Variants in DGLUCY observed in about 807,000 individuals in gnomAD.
DGLUCY encodes D-glutamate cyclase, also known as D-glutamate cyclase, mitochondrial.
DGLUCY carries 58 observed loss-of-function variants against 58.5 expected under a neutral mutation model. The ratio of observed to expected loss-of-function variants is 0.99; its 90% CI spans 0.80 to 1.23. The LOEUF (loss-of-function observed/expected upper bound fraction) is 1.23. Among genes scored for constraint, DGLUCY ranks in the 50% most tolerant of loss-of-function variants. DGLUCY has a pLI of 0.00. For missense variants in DGLUCY, 779 were observed against 784.7 expected (o/e 0.99, Z 0.09); for synonymous variants, 325 against 314.1 (o/e 1.03, Z -0.37).
intron 1 of DGLUCY, among the ~76,000 whole-genome samples, chr14:91,126,035 C>T (rs1303390129): frequency 6.6e-6 from 1 of 152,154 alleles, no homozygotes; most frequent in Non-Finnish European, 1.5e-5. Flanking sequence ...GGAGGATGGG[C>T]TATTTTGATT....
At chr14:91,129,838 A>G (rs960894388) in intron 1 of DGLUCY, among the ~76,000 whole-genome samples, 1 of 151,914 alleles carries the variant, frequency 6.6e-6, no homozygotes, top group Non-Finnish European at 1.5e-5. Flanking sequence ...TAGAGATGGG[A>G]GTTTCTCCAT....
chr14:91,177,298 C>T (rs909237469), intron 7 of DGLUCY, among the ~76,000 whole-genome samples: 7 of 152,158 alleles, frequency 4.6e-5, no homozygotes, highest in African/African-American at 7.2e-5. Context: ...TTGCTTCAGC[C>T]GTTTTGATTA....
chr14:91,217,553 C>T (rs1433536774), intron 13 of DGLUCY, among the ~76,000 whole-genome samples: 4 of 150,150 alleles, frequency 2.7e-5, no homozygotes, highest in African/African-American at 7.4e-5. Flanking sequence ...GGCACGATCT[C>T]GGCTCACCGC....
intron 1 of DGLUCY, among the ~76,000 whole-genome samples, chr14:91,071,741 G>T (rs1595606981): frequency 1.3e-5 from 2 of 152,008 alleles, no homozygotes; most frequent in East Asian, 1.9e-4. Context: ...GGTGGTGGGT[G>T]CCTGTAGTCC....
At chr14:91,178,850 G>A (rs1457139618) in intron 7 of DGLUCY, among the ~76,000 whole-genome samples, 1 of 151,902 alleles carries the variant, frequency 6.6e-6, no homozygotes, top group Non-Finnish European at 1.5e-5. Context: ...GGCCAACATG[G>A]TAAAACCCTG....
rs75794226 is a variant in DGLUCY, at chr14:91,200,572, A to T, written c.1444+667A>T. Among the ~76,000 whole-genome samples, 1,498 of 152,204 alleles carry T rather than the reference A, an allele frequency of 9.8e-3. 12 individuals are homozygous for T. The highest frequency in any genetic ancestry group is 0.016 in the Non-Finnish European group (1,089 of 68,018). On this transcript the variant is annotated intron_variant, in intron 11 of 13. Coordinates refer to ENST00000256324, the MANE Select transcript of DGLUCY (RefSeq NM_001102368.3). Reference sequence around the variant, plus strand: ...TAATTTAAAAATTATCTAATATATGATTAATATTTCAATTTTTTTTTTGAG... The same window carrying T: ...TAATTTAAAAATTATCTAATATATGTTTAATATTTCAATTTTTTTTTTGAG...
intron 9 of DGLUCY, among the ~76,000 whole-genome samples, chr14:91,194,400 C>G (rs963355303): frequency 3.3e-5 from 5 of 152,132 alleles, no homozygotes; most frequent in Non-Finnish European, 7.3e-5. Flanking sequence ...TGACTGTCCC[C>G]CAACCCCAAA....
rs976750629 is a variant in DGLUCY, at chr14:91,209,410, T to TA, written c.1564+4591dup. On this transcript the variant is annotated intron_variant, in intron 12 of 13. Transcript: ENST00000256324. ...ATAAATGTCAATGCCACAGTGAACT[T>TA]AAAAAATCAAGATTGAGGCCGCGTG... is the stretch of plus-strand genomic sequence containing the variant. Among the ~76,000 whole-genome samples the TA allele has an allele frequency of 5.2e-4, 79 of 151,718 alleles. 1 individual carries two copies. The highest frequency in any genetic ancestry group is 1.9e-3 in the African/African-American group (78 of 41,380).
chr14:91,204,708 G>A lies in DGLUCY; in HGVS notation c.1447G>A (p.Val483Ile), dbSNP rs1456473717. ...KKIPGISSTG[V>I]GDGGNELGMG... ...GACTCAGCTCCCCTTCCCTTCAGGAGTCGGTGATGGAGGCAACGAGCTTGG... is the reference window on the plus strand; with the variant it reads ...GACTCAGCTCCCCTTCCCTTCAGGAATCGGTGATGGAGGCAACGAGCTTGG... Residue 483 changes from valine to isoleucine, a missense_variant and splice_region_variant, in exon 12 of 14, where the codon GTC becomes ATC. Val to Ile is a conservative substitution (Grantham distance 29). Coordinates refer to ENST00000256324, the MANE Select transcript of DGLUCY (RefSeq NM_001102368.3). 6.2e-7 allele frequency: 1 copy of A among 1,613,926 alleles called. No individual in the cohort carries two copies. Among genetic ancestry groups the A allele is most frequent in the Admixed American group, 1.7e-5 (1 of 60,004 alleles).
chr14:91,152,234 A>G (rs1275670583), intron 1 of DGLUCY, among the ~76,000 whole-genome samples: 1 of 152,142 alleles, frequency 6.6e-6, no homozygotes, highest in Non-Finnish European at 1.5e-5. Flanking sequence ...TTACAAAAAA[A>G]TAACAGAAAT....
chr14:91,159,298 C>T (rs2047844291), intron 2 of DGLUCY, among the ~76,000 whole-genome samples: 1 of 151,978 alleles, frequency 6.6e-6, no homozygotes, highest in Non-Finnish European at 1.5e-5. Flanking sequence ...AATACAAAAA[C>T]AAGCCAGGTG....
At chr14:91,207,161 GAAA>G (rs56355078) in intron 12 of DGLUCY, among the ~76,000 whole-genome samples, 32 of 85,288 alleles carry the variant, frequency 3.8e-4, no homozygotes, top group Admixed American at 6.7e-4. Context: ...ACTGTCTCAG[GAAA>G]AAAAAAAAAA....
At chr14:91,216,680 G>C (rs1004483847) in intron 13 of DGLUCY, among the ~76,000 whole-genome samples, 3 of 150,970 alleles carry the variant, frequency 2.0e-5, no homozygotes, top group Non-Finnish European at 4.4e-5. Context: ...GGAAGGGACA[G>C]ATCATGTTAG....
chr14:91,103,095 T>TA (rs1172244688), upstream of DGLUCY, among the ~76,000 whole-genome samples: 5 of 152,104 alleles, frequency 3.3e-5, no homozygotes, highest in African/African-American at 1.2e-4. Context: ...AGTGCAAAGA[T>TA]ACCCCCATGT....
chr14:91,134,597 T>C (rs2046219600), intron 1 of DGLUCY, among the ~76,000 whole-genome samples: 1 of 151,844 alleles, frequency 6.6e-6, no homozygotes, highest in Non-Finnish European at 1.5e-5. Context: ...GCCATCACGT[T>C]CGGCTAATTT....
intron 13 of DGLUCY, among the ~76,000 whole-genome samples, chr14:91,219,438 A>C (rs1442396650): frequency 6.6e-6 from 1 of 152,224 alleles, no homozygotes; most frequent in South Asian, 2.1e-4. Context: ...GTCACACTAG[A>C]GTTCTGCAGG....
chr14:91,062,867 G>A (rs1313280129), intron 1 of DGLUCY, among the ~76,000 whole-genome samples: 1 of 151,940 alleles, frequency 6.6e-6, no homozygotes, highest in Non-Finnish European at 1.5e-5. Context: ...GGCAATGACT[G>A]TGTGCAACTG....
chr14:91,175,873 C>T lies in DGLUCY; in HGVS notation c.608-61C>T. The T allele has an allele frequency of 1.9e-6, 3 of 1,586,146 alleles. No homozygotes were observed. In the South Asian group the frequency reaches 3.3e-5, roughly 18 times the overall value. On this transcript the variant is annotated intron_variant, in intron 6 of 13. Coordinates refer to ENST00000256324, the MANE Select transcript of DGLUCY (RefSeq NM_001102368.3). ...TTTAGAGAAAGAACCATAAACTACT[C>T]AACCAGTTCTAATTGGATGCTCCCT...
chr14:91,070,055 C>T (rs1566928954), intron 1 of DGLUCY, among the ~76,000 whole-genome samples: 1 of 151,918 alleles, frequency 6.6e-6, no homozygotes, highest in Non-Finnish European at 1.5e-5. Flanking sequence ...ACAGATAAGG[C>T]AAAAATTGTG....
Sources: allele counts gnomAD v4.1 joint callset (sites outside exome capture counted in the v4.1 genomes callset), GRCh38; gene constraint gnomAD v4.1.1; transcripts MANE v1.5; gene names NCBI Gene and HGNC (gene_info 2026-07-23, HGNC 2026-07-21).